Variants in GRIP1 observed in about 807,000 individuals in gnomAD.
GRIP1 encodes the protein glutamate receptor-interacting protein 1.
Under a neutral mutation model 129.9 loss-of-function variants are expected in GRIP1, and 45 were observed. The observed-to-expected ratio is 0.35, with a 90% CI of 0.27 to 0.44. The LOEUF is 0.44. GRIP1 is among the 20% of genes least tolerant of loss of function. GRIP1 has a pLI of 1.00. For synonymous variants in GRIP1, 530 were observed against 520.8 expected (o/e 1.02, Z -0.24); for missense variants, 1,196 against 1,396.8 (o/e 0.86, Z 2.29).
intron 1 of GRIP1, among the ~76,000 whole-genome samples, chr12:66,607,264 T>C (rs1434251422): frequency 6.6e-6 from 1 of 152,180 alleles, no homozygotes; most frequent in East Asian, 1.9e-4. Context: ...CAAGATTCTT[T>C]CCAGCACATA....
chr12:66,866,415 A>G (rs192110485), intron 1 of GRIP1, among the ~76,000 whole-genome samples: 1 of 152,282 alleles, frequency 6.6e-6, no homozygotes, highest in Admixed American at 6.5e-5. Context: ...CAAGACTGCG[A>G]TGAGCTATGA....
At chr12:66,919,043 T>C (rs576334352) in intron 1 of GRIP1, among the ~76,000 whole-genome samples, 1 of 152,334 alleles carries the variant, frequency 6.6e-6, no homozygotes, top group South Asian at 2.1e-4. Flanking sequence ...CACAAAGGGC[T>C]GTCATTTTAT....
At chr12:66,691,418 A>G (rs2034978347) in intron 1 of GRIP1, among the ~76,000 whole-genome samples, 1 of 152,220 alleles carries the variant, frequency 6.6e-6, no homozygotes, top group African/African-American at 2.4e-5. Context: ...TATTTCATTA[A>G]AAATACAACA....
At chr12:66,894,698 C>T (rs926783335) in intron 1 of GRIP1, among the ~76,000 whole-genome samples, 3 of 152,130 alleles carry the variant, frequency 2.0e-5, no homozygotes, top group African/African-American at 7.2e-5. Flanking sequence ...TCAGAAGACA[C>T]AAACTGCCTC....
chr12:66,834,372 TCAAG>T (rs1319034316), intron 1 of GRIP1, among the ~76,000 whole-genome samples: 1 of 152,046 alleles, frequency 6.6e-6, no homozygotes, highest in Non-Finnish European at 1.5e-5. Flanking sequence ...AATCAAGCAA[TCAAG>T]CAATGGTCTT....
chr12:66,910,296 G>A lies in GRIP1; in HGVS notation c.58+158754C>T, dbSNP rs111692141. ...CTAAGTACAAAAGATGAAGCAGGGTGGAGGGCCTATATCTATCTTCAGAGA... is the reference window on the plus strand; with the variant it reads ...CTAAGTACAAAAGATGAAGCAGGGTAGAGGGCCTATATCTATCTTCAGAGA... On this transcript the variant is annotated intron_variant, in intron 1 of 1. Coordinates refer to the GRIP1 transcript ENST00000643019. 3.5e-3 allele frequency among the ~76,000 whole-genome samples: 533 copies of A among 152,272 alleles called. 4 individuals are homozygous for A. Among genetic ancestry groups the A allele is most frequent in the African/African-American group, 0.012 (506 of 41,544 alleles).
At chr12:66,412,357 C>A (rs1211455954) in intron 15 of GRIP1, among the ~76,000 whole-genome samples, 1 of 152,104 alleles carries the variant, frequency 6.6e-6, no homozygotes, top group Non-Finnish European at 1.5e-5. Context: ...AATTTCCAAC[C>A]CAGAATTTCA....
At chr12:66,944,636 G>T (rs187777861) in intron 1 of GRIP1, among the ~76,000 whole-genome samples, 19 of 152,120 alleles carry the variant, frequency 1.2e-4, no homozygotes, top group African/African-American at 4.3e-4. Flanking sequence ...GGGTAGGGGT[G>T]AAAACAGGAA....
At chr12:66,785,305 A>AACATACATACAT (rs765557975) in intron 1 of GRIP1, among the ~76,000 whole-genome samples, 22 of 103,974 alleles carry the variant, frequency 2.1e-4, no homozygotes, top group African/African-American at 7.2e-4. Flanking sequence ...CCAAGAATTT[A>AACATACATACAT]ACATACATAC....
intron 1 of GRIP1, among the ~76,000 whole-genome samples, chr12:66,821,316 T>C (rs947611007): frequency 6.6e-6 from 1 of 152,200 alleles, no homozygotes; most frequent in African/African-American, 2.4e-5. Context: ...ATGAGTGCTA[T>C]GAAAATGGAG....
chr12:66,747,220 A>G (rs2036977217), intron 1 of GRIP1, among the ~76,000 whole-genome samples: 1 of 152,214 alleles, frequency 6.6e-6, no homozygotes, highest in African/African-American at 2.4e-5. Flanking sequence ...GGGATTAAAA[A>G]AACTGAGTAA....
chr12:66,959,885 C>A (rs1272227671), intron 1 of GRIP1, among the ~76,000 whole-genome samples: 2 of 151,888 alleles, frequency 1.3e-5, no homozygotes, highest in Non-Finnish European at 2.9e-5. Flanking sequence ...ACCGATGTCA[C>A]CATCTTCATT....
At chr12:66,493,860 C>T (rs1480088048) in intron 7 of GRIP1, among the ~76,000 whole-genome samples, 1 of 152,130 alleles carries the variant, frequency 6.6e-6, no homozygotes, top group Non-Finnish European at 1.5e-5. Flanking sequence ...GGGAGTAAAC[C>T]TGTGTTCCTT....
chr12:66,995,201 A>G (rs2042449970), intron 1 of GRIP1, among the ~76,000 whole-genome samples: 1 of 152,068 alleles, frequency 6.6e-6, no homozygotes, highest in Non-Finnish European at 1.5e-5. Context: ...AAAAGACTCA[A>G]AATGGATCAT....
At chr12:66,551,629 A>G (rs1221815203) in intron 2 of GRIP1, among the ~76,000 whole-genome samples, 1 of 123,000 alleles carries the variant, frequency 8.1e-6, no homozygotes, top group Non-Finnish European at 1.6e-5. Flanking sequence ...ACTGTACTGT[A>G]GTGGTGCAAT....
At chr12:66,730,395 T>C (rs1029307574) in intron 1 of GRIP1, among the ~76,000 whole-genome samples, 1 of 152,184 alleles carries the variant, frequency 6.6e-6, no homozygotes, top group African/African-American at 2.4e-5. Context: ...TGTGTGTATG[T>C]AGCTTACTTA....
intron 1 of GRIP1, among the ~76,000 whole-genome samples, chr12:66,654,912 C>T (rs1207997964): frequency 2.6e-5 from 4 of 152,176 alleles, no homozygotes; most frequent in Non-Finnish European, 5.9e-5. Flanking sequence ...TTAGAAAAGA[C>T]ATTCCCCTAG....
At position 66,608,870 on chromosome 12, in the gene GRIP1, G is replaced by A. The variant is rs7295292; in HGVS notation, c.56-11943C>T. 8.3e-3 allele frequency among the ~76,000 whole-genome samples: 1,259 copies of A among 151,838 alleles called. 15 individuals are homozygous for A. The highest frequency in any genetic ancestry group is 0.029 in the African/African-American group (1,208 of 41,406). ...AGTGGTGGCTCTATTCCTTTATCTG[G>A]AATAGATGAGGAAGCTGAGTGATAG... On this transcript the variant is annotated intron_variant, in intron 1 of 24. Transcript: ENST00000359742.
intron 16 of GRIP1, among the ~76,000 whole-genome samples, chr12:66,399,407 TAGAA>T (rs2056904373): frequency 6.6e-6 from 1 of 151,936 alleles, no homozygotes; most frequent in African/African-American, 2.4e-5. Flanking sequence ...GTAGAAGTCT[TAGAA>T]AGGAGCAACT....
Sources: gnomAD v4.1 joint callset for allele counts (sites outside exome capture counted in the v4.1 genomes callset) on GRCh38, gnomAD v4.1.1 for gene constraint, MANE v1.5 for transcripts, NCBI Gene and HGNC (gene_info 2026-07-23, HGNC 2026-07-21) for gene names.